Variants in RCC1 observed in about 807,000 individuals in gnomAD.
RCC1 encodes regulator of chromosome condensation 1, also known as regulator of chromosome condensation.
Under a neutral mutation model 44.4 loss-of-function variants are expected in RCC1, and 11 were observed. The ratio of observed to expected loss-of-function variants is 0.25; its 90% CI spans 0.16 to 0.41. RCC1 has a LOEUF of 0.41. RCC1 is among the 10% of genes least tolerant of loss of function. The pLI is 1.00. For synonymous variants in RCC1, 213 were observed against 216.5 expected, an observed-to-expected ratio of 0.98 and a Z score of 0.14; for missense variants, 386 against 547.1, an observed-to-expected ratio of 0.71 and a Z score of 2.94.
chr1:28,533,574 C>T (rs889137149), intron 7 of RCC1, among the ~76,000 whole-genome samples: 11 of 150,734 alleles, frequency 7.3e-5, no homozygotes, highest in African/African-American at 1.5e-4. Flanking sequence ...AGTTCGAGAC[C>T]GGCCTGACCA....
At position 28,535,253 on chromosome 1, in the gene RCC1, C is replaced by G. The variant is rs1664471625; in HGVS notation, c.539-5C>G. ...GGCCTGCATCCCTTACCTTTTCATC[C>G]TTAGGAAACGACCACTTGGTGATGC... On this transcript the variant is annotated splice_region_variant and splice_polypyrimidine_tract_variant and intron_variant, in intron 8 of 12. Coordinates refer to ENST00000683442, the MANE Select transcript of RCC1 (RefSeq NM_001381865.2). 6.2e-7 allele frequency: 1 copy of G among 1,614,088 alleles called. No individual in the cohort carries two copies. The highest frequency in any genetic ancestry group is 1.3e-5 in the African/African-American group (1 of 74,938).
At chr1:28,533,837 TTTC>T (rs1664350570) in intron 7 of RCC1, among the ~76,000 whole-genome samples, 1 of 126,874 alleles carries the variant, frequency 7.9e-6, no homozygotes. Context: ...TTTCTTTTCT[TTTC>T]TTTTCTTTTT....
intron 3 of RCC1, chr1:28,509,903 A>G (rs1557866074): frequency 2.0e-5 from 3 of 152,282 alleles, no homozygotes; most frequent in Middle Eastern, 6.8e-3. Flanking sequence ...GGAAAAATCG[A>G]TGGTAGCAAC....
In RCC1 at chr1:28,537,890, G is replaced by C. The variant is rs369454817; in HGVS notation, c.1149G>C (p.Glu383Asp). The change falls in exon 13 of 13, where the codon GAG (glutamate) becomes GAC (aspartate). Residue 383 changes from glutamate to aspartate, a missense_variant. Glu to Asp is a conservative substitution (Grantham distance 45, BLOSUM62 2). Coordinates refer to ENST00000683442, the MANE Select transcript of RCC1 (RefSeq NM_001381865.2). Reference sequence around the variant, plus strand: ...ACCAGCTGGGCACAGGGCAGGATGAGGACGCCTGGAGCCCTGTGGAGATGA... The same window carrying C: ...ACCAGCTGGGCACAGGGCAGGATGACGACGCCTGGAGCCCTGTGGAGATGA... ...TNYQLGTGQDEDAWSPVEMMG... is the reference protein window; with the variant it reads ...TNYQLGTGQDDDAWSPVEMMG... The C allele has an allele frequency of 6.2e-7, 1 of 1,613,492 alleles. No homozygotes were observed. Among genetic ancestry groups the C allele is most frequent in the African/African-American group, 1.3e-5 (1 of 74,926 alleles).
At chr1:28,513,203 A>AT (rs1175622741) in intron 3 of RCC1, among the ~76,000 whole-genome samples, 1 of 151,630 alleles carries the variant, frequency 6.6e-6, no homozygotes, top group Non-Finnish European at 1.5e-5. Flanking sequence ...CGCCCAGCTA[A>AT]TTTTTTTGTA....
In RCC1 at chr1:28,535,950, T is replaced by C. The variant is rs895318396; in HGVS notation, c.741T>C (p.Cys247=). 4 of 1,614,162 alleles carry C rather than the reference T, an allele frequency of 2.5e-6. No homozygotes were observed. Among genetic ancestry groups the C allele is most frequent in the Non-Finnish European group, 3.4e-6 (4 of 1,180,008 alleles). ...ACGTGAGATTCCAGGATGCCTTTTG[T>C]GGTGCCTATTTCACCTTTGCCATCT... ...RGHVRFQDAF[C]GAYFTFAISH... Residue 247 remains cysteine, a synonymous_variant, in exon 10 of 13, where the codon TGT becomes TGC. Transcript: ENST00000683442.
chr1:28,523,027 CTTTTTTTTTTTTT>C (rs775851239), intron 4 of RCC1, among the ~76,000 whole-genome samples: 1 of 91,040 alleles, frequency 1.1e-5, no homozygotes, highest in African/African-American at 4.4e-5. Flanking sequence ...GAAGAAATTT[CTTTTTTTTTTTTT>C]TTTTTTTTTG....
intron 4 of RCC1, chr1:28,526,569 GCAA>G (rs1663676055): frequency 1.8e-6 from 1 of 570,716 alleles, no homozygotes; most frequent in Admixed American, 2.4e-5. Context: ...GTCACTAGAA[GCAA>G]CAATTTCTGT....
At chr1:28,530,711 C>CGGGGCTGCGGGTTGG in intron 5 of RCC1, 2 of 943,190 alleles carry the variant, frequency 2.1e-6, no homozygotes, top group Non-Finnish European at 3.0e-6. Context: ...ATTGGCTGCC[C>CGGGGCTGCGGGTTGG]GGGGCTGCGG....
intron 4 of RCC1, chr1:28,526,898 GAA>G (rs200034684): frequency 0.02 from 12,542 of 623,318 alleles, no homozygotes; most frequent in South Asian, 0.027. Context: ...CTCCGTCTCG[GAA>G]AAAAAAAAAA....
chr1:28,519,996 C>T (rs1663170281), intron 4 of RCC1, among the ~76,000 whole-genome samples: 1 of 151,954 alleles, frequency 6.6e-6, no homozygotes, highest in Non-Finnish European at 1.5e-5. Context: ...CTCAGCCTCC[C>T]GAATAGTAAT....
At chr1:28,530,642 G>T in intron 5 of RCC1, 2 of 1,571,852 alleles carry the variant, frequency 1.3e-6, no homozygotes, top group Non-Finnish European at 8.6e-7. Context: ...GGCGCCCTCT[G>T]TGCTGCCAGC....
At chr1:28,525,087 GT>G (rs2124638852) in intron 4 of RCC1, among the ~76,000 whole-genome samples, 1 of 152,220 alleles carries the variant, frequency 6.6e-6, no homozygotes, top group East Asian at 1.9e-4. Flanking sequence ...CTCTAAGGGG[GT>G]CTGCATGAAG....
At chr1:28,523,609 C>T (rs1663441196) in intron 4 of RCC1, among the ~76,000 whole-genome samples, 1 of 152,182 alleles carries the variant, frequency 6.6e-6, no homozygotes, top group Non-Finnish European at 1.5e-5. Context: ...TGTCTGACTC[C>T]ATTCCGGGCT....
intron 5 of RCC1, among the ~76,000 whole-genome samples, chr1:28,530,932 C>T (rs1045697020): frequency 6.6e-6 from 1 of 152,202 alleles, no homozygotes; most frequent in Non-Finnish European, 1.5e-5. Flanking sequence ...GGGGATTGTT[C>T]TCTGACCCAC....
chr1:28,534,570 C>T (rs1016931288), intron 7 of RCC1, among the ~76,000 whole-genome samples: 23 of 152,182 alleles, frequency 1.5e-4, no homozygotes, highest in Admixed American at 2.0e-4. Flanking sequence ...GCCTCAACTT[C>T]CTGGGCTCAG....
chr1:28,514,709 C>T (rs1394896899), intron 3 of RCC1, among the ~76,000 whole-genome samples: 2 of 150,428 alleles, frequency 1.3e-5, no homozygotes, highest in Non-Finnish European at 3.0e-5. Context: ...TGCAGTGAGC[C>T]GAGATCATGC....
chr1:28,507,491 G>C (rs377709475), intron 1 of RCC1: 12 of 518,878 alleles, frequency 2.3e-5, no homozygotes, highest in South Asian at 1.1e-4. Flanking sequence ...GCTGGGCCTC[G>C]TGTCTGCGCC....
chr1:28,530,077 C>A (rs1664027562), intron 5 of RCC1, 138 bp downstream of exon 5: 2 of 621,862 alleles, frequency 3.2e-6, no homozygotes, highest in Non-Finnish European at 5.5e-6. Flanking sequence ...GGAAGGTTTC[C>A]TGTAGCTCAT....
Sources: allele counts gnomAD v4.1 joint callset (sites outside exome capture counted in the v4.1 genomes callset), GRCh38; gene constraint gnomAD v4.1.1; transcripts MANE v1.5; gene names NCBI Gene and HGNC (gene_info 2026-07-23, HGNC 2026-07-21).